Variants in MPHOSPH9 observed in about 807,000 individuals in gnomAD.
MPHOSPH9 encodes M-phase phosphoprotein 9.
MPHOSPH9 carries 88 observed loss-of-function variants against 145.5 expected under a neutral mutation model. The ratio of observed to expected loss-of-function variants is 0.60; its 90% CI spans 0.51 to 0.72. The LOEUF is 0.72. MPHOSPH9 is among the 30% of genes least tolerant of loss of function. MPHOSPH9 has a pLI of 0.00. For synonymous variants in MPHOSPH9, 435 were observed against 486.2 expected, an observed-to-expected ratio of 0.89 and a Z score of 1.39; for missense variants, 1,238 against 1,386.6, an observed-to-expected ratio of 0.89 and a Z score of 1.70.
intron 15 of MPHOSPH9, among the ~76,000 whole-genome samples, chr12:123,179,337 G>A (rs948011514): frequency 2.2e-4 from 33 of 152,272 alleles, no homozygotes; most frequent in Middle Eastern, 6.8e-3. Flanking sequence ...ACCTTGGCAA[G>A]CCGAGGCAGG....
chr12:123,205,889 CCAAATAGGTAT>C (rs2046405458), intron 8 of MPHOSPH9, among the ~76,000 whole-genome samples: 1 of 152,026 alleles, frequency 6.6e-6, no homozygotes, highest in Admixed American at 6.6e-5. Flanking sequence ...TCAAAATTGG[CCAAATAGGTAT>C]CAGCAGCTTG....
chr12:123,195,314 C>T (rs1431520832), intron 12 of MPHOSPH9, among the ~76,000 whole-genome samples: 1 of 151,930 alleles, frequency 6.6e-6, no homozygotes, highest in Non-Finnish European at 1.5e-5. Flanking sequence ...TGGCCAGGCA[C>T]AGTAGCTCAC....
At position 123,227,581 on chromosome 12, in the gene MPHOSPH9, G is replaced by A; in HGVS notation, c.140C>T (p.Ser47Phe). ...AGATGGTCTGGTCTTCCCTGAGAAA[G>A]AGGATACCCCATTTGTACTAAGGTG... ...SPHLSTNGVS[S>F]FSGKTRPSVI... Residue 47 changes from serine to phenylalanine, a missense_variant, in exon 3 of 24, where the codon TCT (serine) becomes TTT (phenylalanine). Around this residue, in one of 3 missense-constraint regions of MPHOSPH9, gnomAD observed 837 missense variants for 897.5 expected, o/e 0.93. Transcript: ENST00000606320. 6.5e-7 allele frequency: 1 copy of A among 1,532,136 alleles called. No individual in the cohort carries two copies. Among genetic ancestry groups the A allele is most frequent in the South Asian group, 1.2e-5 (1 of 83,462 alleles). 94.9% of individuals were successfully genotyped at this position (1,532,136 alleles called of 1,614,324 possible). A position where few individuals can be genotyped will look rare whatever the true frequency, so the allele number is the denominator to read the frequency against.
At chr12:123,178,487 G>T (rs2044981059) in intron 15 of MPHOSPH9, among the ~76,000 whole-genome samples, 1 of 151,992 alleles carries the variant, frequency 6.6e-6, no homozygotes, top group Non-Finnish European at 1.5e-5. Context: ...CATAAAATTT[G>T]CTCTTGAACT....
At chr12:123,167,627 C>A (rs1023057035) in intron 16 of MPHOSPH9, among the ~76,000 whole-genome samples, 4 of 152,192 alleles carry the variant, frequency 2.6e-5, no homozygotes, top group Non-Finnish European at 5.9e-5. Flanking sequence ...TTCACCACAG[C>A]ATGCGTACTC....
At chr12:123,184,487 G>A (rs764209600) in intron 13 of MPHOSPH9, among the ~76,000 whole-genome samples, 25 of 126,906 alleles carry the variant, frequency 2.0e-4, no homozygotes, top group Non-Finnish European at 1.6e-4. Flanking sequence ...ATACTGCTTC[G>A]CTTTAATTTA....
chr12:123,165,512 G>A (rs768830607), intron 17 of MPHOSPH9, 35 bp from the exon 18 acceptor site: 2 of 1,572,866 alleles, frequency 1.3e-6, no homozygotes, highest in Non-Finnish European at 1.7e-6. Flanking sequence ...CAGTGCTATG[G>A]ACTAAATGTC....
chr12:123,168,333 A>G (rs966108886), intron 16 of MPHOSPH9, among the ~76,000 whole-genome samples: 2 of 148,504 alleles, frequency 1.3e-5, no homozygotes, highest in East Asian at 2.0e-4. Flanking sequence ...GCCTGGCAAC[A>G]TGACTTTCTT....
At chr12:123,174,368 G>A (rs1003809328) in intron 16 of MPHOSPH9, among the ~76,000 whole-genome samples, 11 of 133,798 alleles carry the variant, frequency 8.2e-5, no homozygotes, top group Non-Finnish European at 1.4e-4. Context: ...AGAAAGAGAC[G>A]ACTCCAATTT....
intron 2 of MPHOSPH9, among the ~76,000 whole-genome samples, chr12:123,229,846 G>C (rs1852459754): frequency 7.8e-6 from 1 of 127,832 alleles, no homozygotes; most frequent in South Asian, 2.4e-4. Context: ...TTTTGAGACA[G>C]AGTGTCGCTC....
chr12:123,170,769 G>A (rs547563461), intron 16 of MPHOSPH9, among the ~76,000 whole-genome samples: 13 of 152,208 alleles, frequency 8.5e-5, no homozygotes, highest in Admixed American at 5.9e-4. Flanking sequence ...ATTCCTCTAA[G>A]GCAAACATCT....
At chr12:123,173,208 C>G (rs1397556136) in intron 16 of MPHOSPH9, among the ~76,000 whole-genome samples, 1 of 152,134 alleles carries the variant, frequency 6.6e-6, no homozygotes, top group East Asian at 1.9e-4. Flanking sequence ...GAATGGGCTT[C>G]TACTGTTATC....
upstream of MPHOSPH9, among the ~76,000 whole-genome samples, chr12:123,235,438 C>T (rs1025697122): frequency 6.6e-6 from 1 of 152,004 alleles, no homozygotes; most frequent in African/African-American, 2.4e-5. Flanking sequence ...GAGCTCAGCT[C>T]ACTGCAAGCT....
intron 15 of MPHOSPH9, among the ~76,000 whole-genome samples, chr12:123,179,196 G>C (rs2045010953): frequency 6.6e-6 from 1 of 152,166 alleles, no homozygotes; most frequent in Admixed American, 6.5e-5. Context: ...TTGTGGATGA[G>C]ACGAGAGGAT....
At chr12:123,198,477 A>C in intron 11 of MPHOSPH9, 143 bp from the exon 12 acceptor site, 1 of 680,672 alleles carries the variant, frequency 1.5e-6, no homozygotes, top group South Asian at 1.9e-5. Flanking sequence ...TTTTAATAGA[A>C]TATAGCCCAA....
chr12:123,175,441 C>T (rs934236436), intron 16 of MPHOSPH9, among the ~76,000 whole-genome samples: 4 of 152,154 alleles, frequency 2.6e-5, no homozygotes, highest in Non-Finnish European at 4.4e-5. Flanking sequence ...GCGTGAGCCA[C>T]GGCGCCCAGC....
Position 123,216,008 on chromosome 12 carries a change from C to T in MPHOSPH9, c.997-1174G>A, listed in dbSNP as rs561605546. 8.7e-4 allele frequency among the ~76,000 whole-genome samples: 133 copies of T among 152,140 alleles called. 1 individual carries two copies. Among genetic ancestry groups the T allele is most frequent in the Non-Finnish European group, 1.7e-3 (116 of 67,992 alleles). On this transcript the variant is annotated intron_variant, in intron 6 of 23. Coordinates refer to ENST00000606320, the MANE Select transcript of MPHOSPH9 (RefSeq NM_022782.4). ...ATCCCAGCACTTTGGGAGGCCAAGG[C>T]GGGCAGATCACGAGGTCAGGAGATT...
rs1270838354 is a variant in MPHOSPH9 at position 123,223,122 on chromosome 12, C to G, written c.264G>C (p.Arg88Ser). Residue 88 changes from arginine to serine, a missense_variant, in exon 4 of 24, where the codon AGG (arginine) becomes AGC (serine). Around this residue, in one of 3 missense-constraint regions of MPHOSPH9, gnomAD observed 837 missense variants for 897.5 expected, o/e 0.93. Coordinates refer to ENST00000606320, the MANE Select transcript of MPHOSPH9 (RefSeq NM_022782.4). ...CCACCAAATTGAATAGCTGTAACCA[C>G]CTGGTCTATTAAATTATAAAATATT... ...DSELWKNCET[R>S]WLQLFNLVEK... The G allele has an allele frequency of 1.4e-6, 2 of 1,406,106 alleles. No homozygotes were observed. The highest frequency in any genetic ancestry group is 3.0e-5 in the African/African-American group (2 of 67,032). The allele number at this position is 1,406,106 out of a possible 1,614,324, so 87.1% of individuals were successfully genotyped here.
intron 2 of MPHOSPH9, among the ~76,000 whole-genome samples, chr12:123,227,847 T>C (rs1451367174): frequency 6.6e-6 from 1 of 152,158 alleles, no homozygotes; most frequent in Non-Finnish European, 1.5e-5. Flanking sequence ...TCTCCAGAAG[T>C]GAGAGAACAC....
Sources: allele counts gnomAD v4.1 joint callset (sites outside exome capture counted in the v4.1 genomes callset), GRCh38; gene constraint gnomAD v4.1.1; regional missense constraint gnomAD v4.1.1; transcripts MANE v1.5; gene names NCBI Gene and HGNC (gene_info 2026-07-23, HGNC 2026-07-21).